The following TENM4 variants were observed in gnomAD, a reference collection of about 807,000 sequenced individuals.
The protein encoded by TENM4 is teneurin transmembrane protein 4, also known as teneurin-4.
A neutral mutation model predicts 243.3 loss-of-function variants in TENM4; 82 were observed. The ratio of observed to expected loss-of-function variants is 0.34; its 90% CI spans 0.28 to 0.40. The LOEUF is 0.40. Among genes scored for constraint, TENM4 ranks in the 10% least tolerant of loss-of-function variants. The probability of loss-of-function intolerance (pLI) is 1.00; values close to 1 mark genes in which losing one functional copy is unlikely to be tolerated. For synonymous variants in TENM4, 1,412 were observed against 1,456.3 expected (o/e 0.97, Z 0.69); for missense variants, 3,138 against 3,673.3 (o/e 0.85, Z 3.77).
At chr11:79,262,689 T>G (rs1189231860) in intron 2 of TENM4, among the ~76,000 whole-genome samples, 1 of 152,168 alleles carries the variant, frequency 6.6e-6, no homozygotes, top group Non-Finnish European at 1.5e-5. Context: ...GAGAAGCAGC[T>G]TGGTGTATTA....
chr11:79,388,680 G>A (rs1208460648), intron 1 of TENM4, among the ~76,000 whole-genome samples: 5 of 152,222 alleles, frequency 3.3e-5, no homozygotes, highest in Non-Finnish European at 7.3e-5. Flanking sequence ...TGGGATGCCA[G>A]CTATAAAGCA....
At chr11:79,186,619 T>C (rs1863384654) in intron 3 of TENM4, among the ~76,000 whole-genome samples, 1 of 152,180 alleles carries the variant, frequency 6.6e-6, no homozygotes, top group African/African-American at 2.4e-5. Flanking sequence ...GATGATAAAC[T>C]AGGCTATCAC....
intron 1 of TENM4, among the ~76,000 whole-genome samples, chr11:79,427,250 T>C (rs1413092625): frequency 6.6e-6 from 1 of 152,188 alleles, no homozygotes; most frequent in African/African-American, 2.4e-5. Context: ...AAAAGCTGCA[T>C]TATCTTTGAC....
At chr11:79,125,074 A>G (rs1489639056) in intron 4 of TENM4, among the ~76,000 whole-genome samples, 1 of 151,598 alleles carries the variant, frequency 6.6e-6, no homozygotes, top group Non-Finnish European at 1.5e-5. Context: ...ATATGATTAG[A>G]CCCCAAAATG....
At chr11:79,198,408 T>G (rs149065619) in intron 3 of TENM4, among the ~76,000 whole-genome samples, 3 of 152,298 alleles carry the variant, frequency 2.0e-5, no homozygotes, top group Non-Finnish European at 2.9e-5. Flanking sequence ...GGCCTGGGCT[T>G]TCAACACTCG....
chr11:78,874,717 A>G (rs1859222303), intron 9 of TENM4, among the ~76,000 whole-genome samples: 1 of 152,260 alleles, frequency 6.6e-6, no homozygotes, highest in Non-Finnish European at 1.5e-5. Flanking sequence ...TTATATACAC[A>G]GTGCCACACA....
chr11:78,778,513 T>A lies in TENM4; in HGVS notation c.2392+89A>T, dbSNP rs1002005246. 1.2e-5 allele frequency: 17 copies of A among 1,381,396 alleles called. No individual in the cohort carries two copies. In the East Asian group the frequency reaches 4.2e-4, roughly 34 times the overall value. The allele number at this position is 1,381,396 out of a possible 1,614,324, so 85.6% of individuals were successfully genotyped here. A position where few individuals can be genotyped will look rare whatever the true frequency, so the allele number is the denominator to read the frequency against. ...AGACATCATGCTTATGTGGTGTATA[T>A]ACATTTTTATATACACATTTCTTCT... On this transcript the variant is annotated intron_variant, in intron 17 of 33. Transcript: ENST00000278550.
chr11:79,364,126 A>G (rs772974020), intron 1 of TENM4, among the ~76,000 whole-genome samples: 3 of 152,220 alleles, frequency 2.0e-5, no homozygotes, highest in Non-Finnish European at 4.4e-5. Flanking sequence ...AAGTTACATC[A>G]TTGAGGAGAT....
intron 7 of TENM4, among the ~76,000 whole-genome samples, chr11:78,896,234 T>G (rs994466359): frequency 6.6e-6 from 1 of 152,014 alleles, no homozygotes; most frequent in Admixed American, 6.6e-5. Flanking sequence ...AACTACCTAC[T>G]GGGGCAGGAC....
chr11:79,068,746 G>A (rs528685025), intron 5 of TENM4, among the ~76,000 whole-genome samples: 1 of 152,296 alleles, frequency 6.6e-6, no homozygotes, highest in African/African-American at 2.4e-5. Context: ...CAGAAAAACA[G>A]GAATCACCGA....
intron 4 of TENM4, among the ~76,000 whole-genome samples, chr11:79,076,048 C>T (rs1860528294): frequency 1.3e-5 from 2 of 152,170 alleles, no homozygotes; most frequent in African/African-American, 2.4e-5. Flanking sequence ...CTTATGCTAA[C>T]GTGGGTCTTG....
chr11:79,313,468 G>A (rs579715), intron 1 of TENM4, among the ~76,000 whole-genome samples: 45,931 of 152,026 alleles, frequency 0.3, 7,566 homozygotes, highest in South Asian at 0.5. Context: ...TGCTGGTAAT[G>A]GACACCAGAA....
chr11:78,705,138 C>T (rs746001779), intron 27 of TENM4, among the ~76,000 whole-genome samples: 15 of 152,200 alleles, frequency 9.9e-5, no homozygotes, highest in African/African-American at 2.2e-4. Context: ...TCTTAAAACC[C>T]ACTTCTTGTC....
intron 6 of TENM4, among the ~76,000 whole-genome samples, chr11:78,978,130 A>T (rs1159922458): frequency 6.6e-6 from 1 of 151,498 alleles, no homozygotes; most frequent in Non-Finnish European, 1.5e-5. Context: ...CCATATTCTC[A>T]CTCATAAGTG....
intron 4 of TENM4, among the ~76,000 whole-genome samples, chr11:79,143,354 T>A (rs200824811): frequency 0.013 from 2,035 of 152,152 alleles, 42 homozygotes; most frequent in East Asian, 0.073. Context: ...CCATAAAAAA[T>A]GATGAGTTCA....
intron 6 of TENM4, among the ~76,000 whole-genome samples, chr11:79,015,648 A>G (rs1352108712): frequency 6.6e-6 from 1 of 152,170 alleles, no homozygotes; most frequent in Non-Finnish European, 1.5e-5. Flanking sequence ...AAGGCGAAAA[A>G]CTAATTCCAC....
chr11:79,318,405 C>A (rs1035567646), intron 1 of TENM4, among the ~76,000 whole-genome samples: 1 of 152,298 alleles, frequency 6.6e-6, no homozygotes, highest in African/African-American at 2.4e-5. Flanking sequence ...AAACAGCCAA[C>A]CTTATTAATG....
intron 4 of TENM4, among the ~76,000 whole-genome samples, chr11:79,138,276 G>C (rs780800238): frequency 8.0e-5 from 11 of 138,206 alleles, no homozygotes; most frequent in African/African-American, 2.8e-4. Flanking sequence ...GTGGGACCTT[G>C]TGATGGTGTG....
intron 2 of TENM4, among the ~76,000 whole-genome samples, chr11:79,276,926 C>T (rs1856066932): frequency 1.3e-5 from 2 of 152,110 alleles, no homozygotes; most frequent in Non-Finnish European, 2.9e-5. Flanking sequence ...ACTTCTGCTG[C>T]CTCAGGAAAG....
Sources: allele counts gnomAD v4.1 joint callset (sites outside exome capture counted in the v4.1 genomes callset), GRCh38; gene constraint gnomAD v4.1.1; transcripts MANE v1.5; gene names NCBI Gene and HGNC (gene_info 2026-07-23, HGNC 2026-07-21).